CPLX1: variants seen among roughly 807,000 people sequenced by gnomAD.
CPLX1 encodes complexin 1.
A neutral mutation model predicts 15.6 loss-of-function variants in CPLX1; 6 were observed. The observed-to-expected ratio is 0.39, with a 90% CI of 0.21 to 0.76. CPLX1 has a LOEUF of 0.76. Ranked by LOEUF, CPLX1 falls within the 30% of genes least tolerant of loss-of-function variation. The pLI is 0.43. For synonymous variants in CPLX1, 91 were observed against 75.2 expected, an observed-to-expected ratio of 1.21 and a Z score of -1.08; for missense variants, 242 against 188.6, an observed-to-expected ratio of 1.28 and a Z score of -1.66.
intron 2 of CPLX1, among the ~76,000 whole-genome samples, chr4:813,880 C>T (rs940357247): frequency 1.6e-4 from 24 of 152,222 alleles, no homozygotes; most frequent in Admixed American, 1.2e-3. Context: ...ACACAGAAGA[C>T]TTCCAACAGC....
At chr4:814,737 C>T (rs1309762564) in intron 2 of CPLX1, among the ~76,000 whole-genome samples, 12 of 152,234 alleles carry the variant, frequency 7.9e-5, no homozygotes, top group Non-Finnish European at 5.9e-5. Context: ...GTCCCTGTGC[C>T]AGAGTGATGG....
chr4:820,125 T>C (rs1746833606), intron 2 of CPLX1, among the ~76,000 whole-genome samples: 3 of 151,684 alleles, frequency 2.0e-5, no homozygotes, highest in Admixed American at 2.0e-4. Context: ...CAGGTCCAGC[T>C]CAGCCCAGCC....
At chr4:801,495 C>A (rs757396982) in intron 2 of CPLX1, among the ~76,000 whole-genome samples, 3 of 152,174 alleles carry the variant, frequency 2.0e-5, no homozygotes, top group Non-Finnish European at 4.4e-5. Flanking sequence ...ATGTCGCAGC[C>A]ATTGTAAGGT....
rs751179447 is a variant in CPLX1, at chr4:818,914, C to T, written c.31+5578G>A. Reference sequence around the variant, plus strand: ...GGGGCCTCGCCTCATCCCGGGGGACCGCCTAGTGGAAGGGCTGCCAGGCAC... The same window carrying T: ...GGGGCCTCGCCTCATCCCGGGGGACTGCCTAGTGGAAGGGCTGCCAGGCAC... On this transcript the variant is annotated intron_variant, in intron 2 of 3. Transcript: ENST00000304062. 7.9e-5 allele frequency among the ~76,000 whole-genome samples: 12 copies of T among 152,214 alleles called. No homozygotes were observed. The South Asian group carries it at 8.3e-4, about 11-fold the overall frequency.
At chr4:800,477 AAT>A (rs140915315) in intron 2 of CPLX1, among the ~76,000 whole-genome samples, 9 of 146,710 alleles carry the variant, frequency 6.1e-5, no homozygotes, top group Admixed American at 6.9e-5. Flanking sequence ...TCTACTAAAA[AAT>A]ATATATATAT....
intron 2 of CPLX1, among the ~76,000 whole-genome samples, chr4:797,927 C>A (rs183952255): frequency 3.3e-5 from 5 of 151,600 alleles, no homozygotes; most frequent in African/African-American, 1.2e-4. Context: ...GAGACTCCGT[C>A]TCAAAAAAAC....
chr4:788,151 G>A, intron 3 of CPLX1: 4 of 985,364 alleles, frequency 4.1e-6, no homozygotes, highest in Non-Finnish European at 4.8e-6. Flanking sequence ...GCCATCTCCT[G>A]CTCCTGTCTC....
At chr4:792,698 A>AC in intron 2 of CPLX1, 90 bp from the exon 3 acceptor site, 7 of 1,333,090 alleles carry the variant, frequency 5.3e-6, no homozygotes, top group East Asian at 2.6e-5. Flanking sequence ...CTTCTGGCCG[A>AC]CCCCCCAAAC....
chr4:808,907 C>T (rs530292252), intron 2 of CPLX1, among the ~76,000 whole-genome samples: 9 of 152,266 alleles, frequency 5.9e-5, no homozygotes, highest in South Asian at 2.1e-4. Context: ...GTTCTTGGAA[C>T]GGAGAAAAAG....
intron 2 of CPLX1, chr4:804,971 G>T (rs866605510): frequency 9.2e-6 from 9 of 981,140 alleles, no homozygotes; most frequent in Middle Eastern, 1.1e-3. Context: ...CCTGCGCGGC[G>T]GCCGGCTAGG....
intron 3 of CPLX1, chr4:788,265 C>G (rs1309987476): frequency 1.0e-6 from 1 of 985,166 alleles, no homozygotes. Context: ...GGGGGGCTGC[C>G]TGTGTGCTCC....
Position 804,031 on chromosome 4 carries a change from T to C in CPLX1, c.32-11423A>G, listed in dbSNP as rs1746509306. On this transcript the variant is annotated intron_variant, in intron 2 of 3. Coordinates refer to ENST00000304062, the MANE Select transcript of CPLX1 (RefSeq NM_006651.4). ...CACCCTGGTGCTGCCGCTACTGCGG[T>C]GTTCAGTGAGATGTGTGTTGTGCAG... 2.6e-5 allele frequency among the ~76,000 whole-genome samples: 4 copies of C among 152,222 alleles called. 1 individual carries two copies. The South Asian group carries it at 8.3e-4, about 31-fold the overall frequency.
intron 2 of CPLX1, among the ~76,000 whole-genome samples, chr4:804,340 C>T (rs1254817766): frequency 1.3e-5 from 2 of 152,216 alleles, no homozygotes; most frequent in Non-Finnish European, 2.9e-5. Flanking sequence ...TGGCTAAATA[C>T]AATATCCATA....
intron 2 of CPLX1, among the ~76,000 whole-genome samples, chr4:816,363 C>T (rs7660746): frequency 0.043 from 6,558 of 151,868 alleles, 163 homozygotes; most frequent in Middle Eastern, 0.082. Context: ...GGATTACAGG[C>T]GCCCACCACC....
chr4:787,512 A>G, intron 3 of CPLX1: 1 of 657,616 alleles, frequency 1.5e-6, no homozygotes, highest in Non-Finnish European at 1.9e-6. Flanking sequence ...GAGGGGCCTC[A>G]AGTCCAGTGA....
At chr4:816,380 G>A (rs968264335) in intron 2 of CPLX1, among the ~76,000 whole-genome samples, 6 of 151,674 alleles carry the variant, frequency 4.0e-5, no homozygotes, top group South Asian at 2.1e-4. Flanking sequence ...CACCACACCC[G>A]GCTAACTTTT....
chr4:818,381 C>T (rs1746799765), intron 2 of CPLX1, among the ~76,000 whole-genome samples: 1 of 152,286 alleles, frequency 6.6e-6, no homozygotes, highest in South Asian at 2.1e-4. Context: ...CTGCCACCGT[C>T]TCAGAGAGGC....
At chr4:799,078 C>G (rs985383417) in intron 2 of CPLX1, among the ~76,000 whole-genome samples, 20 of 152,224 alleles carry the variant, frequency 1.3e-4, no homozygotes, top group Non-Finnish European at 2.2e-4. Context: ...CCTTTAGAAT[C>G]AGGAAACAGA....
chr4:823,615 GGGAACACA>G (rs1746914361), intron 2 of CPLX1, among the ~76,000 whole-genome samples: 1 of 152,224 alleles, frequency 6.6e-6, no homozygotes, highest in South Asian at 2.1e-4. Context: ...CTGGTGCTGG[GGGAACACA>G]GGATGGACGG....
Sources: gnomAD v4.1 joint callset for allele counts (sites outside exome capture counted in the v4.1 genomes callset) on GRCh38, gnomAD v4.1.1 for gene constraint, MANE v1.5 for transcripts, NCBI Gene and HGNC (gene_info 2026-07-23, HGNC 2026-07-21) for gene names.